The following SLC25A18 variants were observed in gnomAD, a reference collection of about 807,000 sequenced individuals.
SLC25A18 encodes mitochondrial glutamate carrier 2.
In SLC25A18, 24 loss-of-function variants were observed where a neutral mutation model predicts 31.1. The ratio of observed to expected loss-of-function variants is 0.77; its 90% confidence interval spans 0.56 to 1.08. The LOEUF (loss-of-function observed/expected upper bound fraction) is 1.08, where lower values mean the gene tolerates loss of function less well. SLC25A18 is among the 50% of genes least tolerant of loss of function. SLC25A18 has a pLI of 0.00. For synonymous variants in SLC25A18, 173 were observed against 161.9 expected, an observed-to-expected ratio of 1.07 and a Z score of -0.52; for missense variants, 371 against 418.5, an observed-to-expected ratio of 0.89 and a Z score of 0.99.
intron 2 of SLC25A18, 86 bp from the exon 3 acceptor site, chr22:17,579,659 A>T: frequency 8.8e-7 from 1 of 1,139,838 alleles, no homozygotes; most frequent in Non-Finnish European, 1.1e-6. Context: ...AAGGGAAAAA[A>T]GTGGAGCAAG....
At chr22:17,572,377 C>T (rs2057113268) in intron 2 of SLC25A18, among the ~76,000 whole-genome samples, 1 of 149,350 alleles carries the variant, frequency 6.7e-6, no homozygotes, top group Non-Finnish European at 1.5e-5. Context: ...CTCAGCTACT[C>T]AGGAGGCTGA....
rs541024431 is a variant in SLC25A18, at chr22:17,576,212, C to T, written c.-200-3533C>T. On this transcript the variant is annotated intron_variant, in intron 2 of 10. Coordinates refer to ENST00000327451, the MANE Select transcript of SLC25A18 (RefSeq NM_031481.3). ...ACTAAAAATACAAAAATTAGCCATTCGTGGTGGTGTGAGCCTGTAGTCCCA... is the reference window on the plus strand; with the variant it reads ...ACTAAAAATACAAAAATTAGCCATTTGTGGTGGTGTGAGCCTGTAGTCCCA... Among the ~76,000 whole-genome samples, 8 of 151,990 alleles carry T rather than the reference C, an allele frequency of 5.3e-5. No homozygotes were observed. In the South Asian group the frequency reaches 1.3e-3, roughly 24 times the overall value.
chr22:17,572,893 G>C (rs113962715), intron 2 of SLC25A18, among the ~76,000 whole-genome samples: 11 of 151,914 alleles, frequency 7.2e-5, no homozygotes. Context: ...CGCCCGCCTC[G>C]GCCTCCCGAA....
chr22:17,584,000 GAAC>G, intron 7 of SLC25A18: 1 of 944,488 alleles, frequency 1.1e-6, no homozygotes, highest in Non-Finnish European at 1.3e-6. Flanking sequence ...GCCAGCTCTA[GAAC>G]AAATAGCAGA....
In SLC25A18 at chr22:17,587,315, C is replaced by A; in HGVS notation, c.575+14C>A. 1.2e-6 allele frequency: 2 copies of A among 1,606,018 alleles called. No individual in the cohort carries two copies. Among genetic ancestry groups the A allele is most frequent in the Middle Eastern group, 1.7e-4 (1 of 5,904 alleles). ...CACTCTCCTCAGGTGAGCCTTTCTT[C>A]CGGTTCCCTAGGACAAGTGCACGGG... On this transcript the variant is annotated intron_variant, in intron 8 of 10. Coordinates refer to ENST00000327451, the MANE Select transcript of SLC25A18 (RefSeq NM_031481.3).
At chr22:17,564,056 G>A (rs1011724799) in intron 1 of SLC25A18, among the ~76,000 whole-genome samples, 2 of 152,110 alleles carry the variant, frequency 1.3e-5, no homozygotes, top group Non-Finnish European at 2.9e-5. Context: ...GCGTCTTCTC[G>A]GACTCCTTGT....
intron 5 of SLC25A18, chr22:17,581,660 G>T: frequency 1.9e-6 from 1 of 528,542 alleles, no homozygotes; most frequent in South Asian, 2.5e-5. Context: ...CTACCTGCCT[G>T]CCTCTCTCTG....
chr22:17,579,704 C>T (rs1463988619), intron 2 of SLC25A18, 41 bp from the exon 3 acceptor site: 36 of 1,345,164 alleles, frequency 2.7e-5, no homozygotes, highest in South Asian at 4.0e-5. Flanking sequence ...CGTGCGTCCT[C>T]GCCCATCTGT....
At chr22:17,566,100 G>A (rs140464821) in intron 1 of SLC25A18, among the ~76,000 whole-genome samples, 23 of 152,230 alleles carry the variant, frequency 1.5e-4, no homozygotes, top group Non-Finnish European at 2.2e-4. Context: ...CACCAATGCC[G>A]ATCTCTATTT....
intron 5 of SLC25A18, chr22:17,581,823 A>C: frequency 5.4e-6 from 1 of 186,788 alleles, no homozygotes; most frequent in Non-Finnish European, 1.1e-5. Flanking sequence ...TGGACAATGG[A>C]TCCCAAGCTG....
intron 1 of SLC25A18, among the ~76,000 whole-genome samples, chr22:17,564,715 A>T (rs978937507): frequency 2.6e-5 from 4 of 151,904 alleles, no homozygotes; most frequent in African/African-American, 9.7e-5. Context: ...AAAATTAGCC[A>T]GGCGTGGTAG....
intron 2 of SLC25A18, among the ~76,000 whole-genome samples, chr22:17,571,618 C>T (rs1283194917): frequency 6.6e-5 from 10 of 151,872 alleles, no homozygotes; most frequent in African/African-American, 1.5e-4. Flanking sequence ...ATTAGCCGGG[C>T]GTGATGGAGC....
intron 2 of SLC25A18, among the ~76,000 whole-genome samples, chr22:17,573,678 G>C (rs571002725): frequency 6.6e-6 from 1 of 152,060 alleles, no homozygotes; most frequent in Non-Finnish European, 1.5e-5. Context: ...AGGCAGCTTC[G>C]GTTCCTAACT....
chr22:17,566,099 C>T (rs755220315), intron 1 of SLC25A18, among the ~76,000 whole-genome samples: 13 of 152,140 alleles, frequency 8.5e-5, no homozygotes, highest in East Asian at 5.8e-4. Context: ...GCACCAATGC[C>T]GATCTCTATT....
In SLC25A18 at chr22:17,581,534, A is replaced by T. The variant is rs567636992; in HGVS notation, c.199+121A>T. The T allele has an allele frequency of 7.2e-6, 8 of 1,114,650 alleles. No homozygotes were observed. In the African/African-American group the frequency reaches 9.2e-5, roughly 13 times the overall value. 69.0% of individuals were successfully genotyped at this position (1,114,650 alleles called of 1,614,324 possible). On this transcript the variant is annotated intron_variant, in intron 5 of 10. Coordinates refer to ENST00000327451, the MANE Select transcript of SLC25A18 (RefSeq NM_031481.3). ...CAGGGCTGCCAGGGGGTCCTTCCTG[A>T]TGAGCCTCTGTGCTCTTGGGTGGAG...
chr22:17,565,288 G>A (rs910440257), intron 1 of SLC25A18, among the ~76,000 whole-genome samples: 2 of 151,904 alleles, frequency 1.3e-5, no homozygotes, highest in African/African-American at 2.4e-5. Flanking sequence ...TTGCCATGTT[G>A]GCCAGGATGG....
chr22:17,567,233 A>G (rs12483850), intron 1 of SLC25A18, among the ~76,000 whole-genome samples: 15,432 of 152,268 alleles, frequency 0.1, 857 homozygotes, highest in Admixed American at 0.18. Context: ...TACTAAGTGC[A>G]CTACATCTAG....
chr22:17,572,797 A>G (rs1256812902), intron 2 of SLC25A18, among the ~76,000 whole-genome samples: 5 of 149,222 alleles, frequency 3.4e-5, no homozygotes, highest in African/African-American at 7.6e-5. Context: ...GCCCGCCACC[A>G]CGCCCGGCTA....
intron 7 of SLC25A18, among the ~76,000 whole-genome samples, chr22:17,585,632 T>C (rs2057522296): frequency 7.1e-6 from 1 of 140,898 alleles, no homozygotes; most frequent in South Asian, 2.2e-4. Context: ...TATTATTTAT[T>C]TTATTATTAT....
Sources: gnomAD v4.1 joint callset for allele counts (sites outside exome capture counted in the v4.1 genomes callset) on GRCh38, gnomAD v4.1.1 for gene constraint, MANE v1.5 for transcripts, NCBI Gene and HGNC (gene_info 2026-07-23, HGNC 2026-07-21) for gene names.